Variants in TMEM248 observed in about 807,000 individuals in gnomAD.
TMEM248 encodes the protein transmembrane protein 248, also known as UPF0458 protein C7orf42.
In TMEM248, 9 loss-of-function variants were observed where a neutral mutation model predicts 30.3. That is an observed-to-expected ratio of 0.30 (90% CI 0.18 to 0.52). The LOEUF is 0.52. Among genes scored for constraint, TMEM248 ranks in the 20% least tolerant of loss-of-function variants. The pLI is 0.97. For synonymous variants in TMEM248, 184 were observed against 154.4 expected (o/e 1.19, Z -1.42); for missense variants, 338 against 403.3 (o/e 0.84, Z 1.39).
chr7:66,931,942 C>G (rs1791678708), intron 1 of TMEM248, among the ~76,000 whole-genome samples: 1 of 151,394 alleles, frequency 6.6e-6, no homozygotes, highest in South Asian at 2.1e-4. Context: ...GTAGCTGGGA[C>G]TACAGGCGCC....
chr7:66,926,654 A>AG (rs1791533304), intron 1 of TMEM248, among the ~76,000 whole-genome samples: 1 of 151,286 alleles, frequency 6.6e-6, no homozygotes, highest in Admixed American at 6.6e-5. Context: ...AAAAAAAAAA[A>AG]GAAAAGAAAG....
intron 1 of TMEM248, among the ~76,000 whole-genome samples, chr7:66,925,942 A>C (rs537375656): frequency 6.6e-6 from 1 of 151,952 alleles, no homozygotes; most frequent in African/African-American, 2.4e-5. Context: ...CGCCCGGCCT[A>C]TTTTTAGTTT....
intron 1 of TMEM248, chr7:66,922,046 T>TG (rs1377102054): frequency 6.6e-6 from 1 of 152,110 alleles, no homozygotes; most frequent in Non-Finnish European, 1.5e-5. Flanking sequence ...AAACCAGGCT[T>TG]GTTGTGCTGT....
chr7:66,930,989 A>G (rs1470486500), intron 1 of TMEM248: 2 of 152,448 alleles, frequency 1.3e-5, no homozygotes, highest in East Asian at 1.9e-4. Flanking sequence ...CATTTAACCT[A>G]AGGTAGAAAA....
rs759175215 is a variant in TMEM248 at position 66,958,455 on chromosome 7, G to A, written c.*2933G>A. The A allele has an allele frequency of 6.5e-6, 1 of 152,694 alleles. No individual in the cohort carries two copies. The highest frequency in any genetic ancestry group is 2.4e-5 in the African/African-American group (1 of 41,446). 9.5% of individuals were successfully genotyped at this position (152,694 alleles called of 1,614,324 possible). On this transcript the variant is annotated 3_prime_UTR_variant, in exon 7 of 7. Coordinates refer to ENST00000341567, the MANE Select transcript of TMEM248 (RefSeq NM_017994.5). ...CCATTTCACCTCTTGCTGCATGATG[G>A]TCAGTAGCTGATCTGTTATGGCATT...
rs755623306 is a variant in TMEM248 at position 66,935,744 on chromosome 7, G to A, written c.-18-6104G>A. On this transcript the variant is annotated intron_variant, in intron 1 of 6. Transcript: ENST00000341567. ...TTTTTAGTAGAGATGGAGTTTCACCGTGTTGGCCAGGCTGGTCTCGAACTC... is the reference window on the plus strand; with the variant it reads ...TTTTTAGTAGAGATGGAGTTTCACCATGTTGGCCAGGCTGGTCTCGAACTC... Among the ~76,000 whole-genome samples, 5 of 151,326 alleles carry A rather than the reference G, an allele frequency of 3.3e-5. No individual in the cohort carries two copies. In the East Asian group the frequency reaches 7.9e-4, roughly 24 times the overall value.
intron 5 of TMEM248, among the ~76,000 whole-genome samples, chr7:66,952,230 C>T (rs967817065): frequency 3.9e-5 from 6 of 152,124 alleles, no homozygotes; most frequent in African/African-American, 1.2e-4. Flanking sequence ...CCTGCCAACA[C>T]GCCCAGCTAA....
rs35126436 is a variant in TMEM248 at position 66,929,426 on chromosome 7, A to ATTT, written c.-19+7991_-19+7993dup. 2.5e-3 allele frequency among the ~76,000 whole-genome samples: 247 copies of ATTT among 97,662 alleles called. 13 individuals carry two copies. The highest frequency in any genetic ancestry group is 0.014 in the Middle Eastern group (2 of 148). 64.1% of individuals were successfully genotyped at this position (97,662 alleles called of 152,430 possible). On this transcript the variant is annotated intron_variant, in intron 1 of 6. Coordinates refer to ENST00000341567, the MANE Select transcript of TMEM248 (RefSeq NM_017994.5). ...ACAATATCATGGAAATGAGAGACAA[A>ATTT]TTTTTTTTTTTTTTTTTTTTTTTTT...
intron 1 of TMEM248, 81 bp from the exon 2 acceptor site, chr7:66,941,767 A>G (rs1173743557): frequency 7.5e-6 from 10 of 1,341,386 alleles, no homozygotes; most frequent in Non-Finnish European, 1.0e-5. Flanking sequence ...CTCACCCCCC[A>G]ACACCTCAAA....
chr7:66,944,360 C>T (rs1467904138), intron 2 of TMEM248, among the ~76,000 whole-genome samples: 2 of 152,164 alleles, frequency 1.3e-5, no homozygotes, highest in Non-Finnish European at 2.9e-5. Flanking sequence ...CCACCTTGGC[C>T]TCCCAAAGTG....
chr7:66,945,119 C>T lies in TMEM248; in HGVS notation c.303C>T (p.Pro101=). Residue 101 remains proline, a synonymous_variant, in exon 3 of 7, where the codon CCC becomes CCT. Transcript: ENST00000341567. ...AGGCCCGAGCTTCCACCCAGTCCCCCCAGGCCCTGGAGGACTCGGGCCCGG... is the reference window on the plus strand; with the variant it reads ...AGGCCCGAGCTTCCACCCAGTCCCCTCAGGCCCTGGAGGACTCGGGCCCGG... ...SGQARASTQS[P]QALEDSGPVN... The T allele has an allele frequency of 1.2e-6, 2 of 1,614,248 alleles. No individual in the cohort carries two copies. The highest frequency in any genetic ancestry group is 1.7e-6 in the Non-Finnish European group (2 of 1,180,046).
At chr7:66,946,382 A>G (rs1043588343) in intron 3 of TMEM248, among the ~76,000 whole-genome samples, 1 of 152,098 alleles carries the variant, frequency 6.6e-6, no homozygotes, top group African/African-American at 2.4e-5. Context: ...GTTCAAGACC[A>G]GTCTGGCCAA....
chr7:66,929,386 A>G (rs1335961158), intron 1 of TMEM248, among the ~76,000 whole-genome samples: 1 of 147,470 alleles, frequency 6.8e-6, no homozygotes, highest in Non-Finnish European at 1.5e-5. Context: ...TGTCCAAGGT[A>G]GGAGGAATGC....
Position 66,951,151 on chromosome 7 carries a change from T to C in TMEM248, c.780+16T>C. 1.6e-6 allele frequency: 2 copies of C among 1,286,696 alleles called. No individual in the cohort carries two copies. Among genetic ancestry groups the C allele is most frequent in the Non-Finnish European group, 2.0e-6 (2 of 983,294 alleles). 79.7% of individuals were successfully genotyped at this position (1,286,696 alleles called of 1,614,324 possible). ...TGTTCCAGATGTAAGTGAGAAAAAT[T>C]GTGTGTGTGTGTGTGCGTGCATGCA... On this transcript the variant is annotated intron_variant, in intron 5 of 6. Transcript: ENST00000341567.
rs180899952 is a variant in TMEM248, at chr7:66,948,062, G to A, written c.446-482G>A. Reference sequence around the variant, plus strand: ...TGTGAACCACTGTGCCTGGCAATACGTTGGTTTTAGTTTAAGCTTCATCAC... The same window carrying A: ...TGTGAACCACTGTGCCTGGCAATACATTGGTTTTAGTTTAAGCTTCATCAC... On this transcript the variant is annotated intron_variant, in intron 3 of 6. Transcript: ENST00000341567. Among the ~76,000 whole-genome samples the A allele has an allele frequency of 1.6e-4, 25 of 152,266 alleles. 1 individual carries two copies. The highest frequency in any genetic ancestry group is 5.8e-4 in the African/African-American group (24 of 41,556).
In TMEM248 at chr7:66,955,721, G is replaced by A. The variant is rs529707393; in HGVS notation, c.*199G>A. The A allele has an allele frequency of 3.0e-6, 2 of 667,180 alleles. No individual in the cohort carries two copies. The highest frequency in any genetic ancestry group is 4.3e-5 in the South Asian group (2 of 46,124). The allele number at this position is 667,180 out of a possible 1,614,324, so 41.3% of individuals were successfully genotyped here. A position where few individuals can be genotyped will look rare whatever the true frequency, so the allele number is the denominator to read the frequency against. ...CAGAAATTGGTCCAATAATGCACGT[G>A]CTTTGCCCTGGGTACAGCCAGAGCC... On this transcript the variant is annotated 3_prime_UTR_variant, in exon 7 of 7. Transcript: ENST00000341567.
At chr7:66,928,799 A>G (rs994759198) in intron 1 of TMEM248, among the ~76,000 whole-genome samples, 1 of 150,732 alleles carries the variant, frequency 6.6e-6, no homozygotes, top group Non-Finnish European at 1.5e-5. Flanking sequence ...TTTTATTTTC[A>G]TTTTTTGAGA....
chr7:66,941,788 A>G (rs930315436), intron 1 of TMEM248, 60 bp from the exon 2 acceptor site: 4 of 1,468,034 alleles, frequency 2.7e-6, no homozygotes, highest in Non-Finnish European at 3.7e-6. Context: ...AGGAAACAAA[A>G]GAATCATAGC....
intron 1 of TMEM248, among the ~76,000 whole-genome samples, chr7:66,935,926 T>C (rs1214239947): frequency 6.6e-6 from 1 of 152,248 alleles, no homozygotes; most frequent in Non-Finnish European, 1.5e-5. Context: ...GTCCTGCAAC[T>C]TTACTGAAAA....
Sources: allele counts gnomAD v4.1 joint callset (sites outside exome capture counted in the v4.1 genomes callset), GRCh38; gene constraint gnomAD v4.1.1; transcripts MANE v1.5; gene names NCBI Gene and HGNC (gene_info 2026-07-23, HGNC 2026-07-21).